ZNF395: variants seen among roughly 807,000 people sequenced by gnomAD.
ZNF395 encodes the protein zinc finger protein 395, also known as HD gene regulatory region-binding protein 2.
ZNF395 carries 20 observed loss-of-function variants against 57.7 expected under a neutral mutation model. That is an observed-to-expected ratio of 0.35 (90% confidence interval 0.24 to 0.50). ZNF395 has a LOEUF of 0.50. Among genes scored for constraint, ZNF395 ranks in the 20% least tolerant of loss-of-function variants. The pLI is 0.97. For missense variants in ZNF395, 606 were observed against 671.2 expected (o/e 0.90, Z 1.07); for synonymous variants, 295 against 275.9 (o/e 1.07, Z -0.69).
At chr8:28,376,192 C>G (rs1267680077) in intron 1 of ZNF395, among the ~76,000 whole-genome samples, 4 of 150,556 alleles carry the variant, frequency 2.7e-5, no homozygotes, top group African/African-American at 9.7e-5. Context: ...CCGGGCTGGT[C>G]TCGAACTGCT....
intron 1 of ZNF395, among the ~76,000 whole-genome samples, chr8:28,372,388 G>A (rs749903919): frequency 2.0e-4 from 30 of 152,340 alleles, no homozygotes; most frequent in Non-Finnish European, 3.2e-4. Context: ...CCCGGGCAGT[G>A]AAGAGCCAAA....
rs1243508092 is a variant in ZNF395 at position 28,353,267 on chromosome 8, A to C, written c.725T>G (p.Leu242Trp). Residue 242 changes from leucine to tryptophan, a missense_variant, in exon 5 of 10, where the codon TTG becomes TGG. By Grantham distance (61) the Leu-to-Trp change is moderately conservative. Transcript: ENST00000344423. Reference sequence around the variant, plus strand: ...TTGGGGAGAACCAAAAGCATCCCCCAAATACTTGGGGCTGGCCTGGGGGTG... The same window carrying C: ...TTGGGGAGAACCAAAAGCATCCCCCCAATACTTGGGGCTGGCCTGGGGGTG... Reference protein sequence around the residue: ...PPHPQASPKYLGDAFGSPQTD... With the variant: ...PPHPQASPKYWGDAFGSPQTD... The C allele has an allele frequency of 6.2e-7, 1 of 1,600,254 alleles. No individual in the cohort carries two copies. Among genetic ancestry groups the C allele is most frequent in the African/African-American group, 1.3e-5 (1 of 74,120 alleles).
In ZNF395 at chr8:28,350,064, C is replaced by T. The variant is rs776772742; in HGVS notation, c.1326G>A (p.Pro442=). ...AAPSAACSLS[P]VRSRSLSFSE... Reference sequence around the variant, plus strand: ...CCAGCCGTGCTGCCCGCACACTCACCGGAGAGAGAGAGCAGGCGGCGGAGG... The same window carrying T: ...CCAGCCGTGCTGCCCGCACACTCACTGGAGAGAGAGAGCAGGCGGCGGAGG... The change falls in exon 8 of 10, where the codon CCG becomes CCA. Residue 442 remains proline (P), a splice_region_variant and synonymous_variant. Coordinates refer to ENST00000344423, the MANE Select transcript of ZNF395 (RefSeq NM_018660.3). The T allele has an allele frequency of 2.5e-6, 4 of 1,597,036 alleles. No homozygotes were observed. The highest frequency in any genetic ancestry group is 1.7e-4 in the Middle Eastern group (1 of 6,026).
intron 7 of ZNF395, 73 bp downstream of exon 7, chr8:28,351,422 G>C (rs58204499): frequency 5.4e-6 from 8 of 1,482,140 alleles, no homozygotes; most frequent in South Asian, 1.4e-5. Flanking sequence ...CAGGGTGGTC[G>C]GTAGCCTGTA....
chr8:28,371,674 A>G (rs1286762566), intron 1 of ZNF395, among the ~76,000 whole-genome samples: 1 of 152,230 alleles, frequency 6.6e-6, no homozygotes, highest in Admixed American at 6.5e-5. Flanking sequence ...GGGATCCCCC[A>G]GGAGCAGGGC....
chr8:28,368,882 T>C (rs972470248), intron 1 of ZNF395, among the ~76,000 whole-genome samples: 2 of 151,990 alleles, frequency 1.3e-5, no homozygotes, highest in East Asian at 1.9e-4. Flanking sequence ...GTCGACCAGG[T>C]TGGGGTGCAG....
intron 1 of ZNF395, among the ~76,000 whole-genome samples, chr8:28,380,257 T>C (rs1440311578): frequency 6.6e-6 from 1 of 152,242 alleles, no homozygotes; most frequent in Non-Finnish European, 1.5e-5. Context: ...CTTATCAGGA[T>C]ACTGAAAATC....
At chr8:28,358,713 T>C (rs886096039) in intron 3 of ZNF395, among the ~76,000 whole-genome samples, 9 of 152,206 alleles carry the variant, frequency 5.9e-5, no homozygotes, top group Admixed American at 5.9e-4. Context: ...TGTGAGCCAC[T>C]GCGCCTGGCC....
At position 28,359,555 on chromosome 8, in the gene ZNF395, G is replaced by C. The variant is rs767891451; in HGVS notation, c.473+37C>G. 6.4e-7 allele frequency: 1 copy of C among 1,550,854 alleles called. No individual in the cohort carries two copies. Among genetic ancestry groups the C allele is most frequent in the East Asian group, 2.3e-5 (1 of 44,252 alleles). On this transcript the variant is annotated intron_variant, in intron 3 of 9. Transcript: ENST00000344423. The surrounding 1 kb of genome is among the most constrained non-coding windows in gnomAD (Gnocchi z 4.7). ...CACACCCTTACACCACACTACCCAC[G>C]TGACTTTTAAAACCCAGTTTCTTCT...
At chr8:28,365,912 T>C (rs1022018271) in intron 1 of ZNF395, among the ~76,000 whole-genome samples, 3 of 152,208 alleles carry the variant, frequency 2.0e-5, no homozygotes, top group African/African-American at 7.2e-5. Context: ...CATGTAACTG[T>C]TGCTGGACAA....
intron 3 of ZNF395, among the ~76,000 whole-genome samples, chr8:28,357,118 A>C (rs1355456630): frequency 6.6e-6 from 1 of 152,218 alleles, no homozygotes; most frequent in Non-Finnish European, 1.5e-5. Flanking sequence ...TGCAGCTTAA[A>C]AAAAGGAGAA....
intron 1 of ZNF395, among the ~76,000 whole-genome samples, chr8:28,364,291 C>T (rs1801883856): frequency 6.6e-6 from 1 of 152,168 alleles, no homozygotes; most frequent in South Asian, 2.1e-4. Context: ...CAAAATAAAA[C>T]ACTCAATTAA....
chr8:28,362,893 A>G (rs1320577571), intron 1 of ZNF395, among the ~76,000 whole-genome samples: 4 of 152,274 alleles, frequency 2.6e-5, no homozygotes, highest in Non-Finnish European at 4.4e-5. Flanking sequence ...CTACTGGCAT[A>G]GTATCTCCAC....
chr8:28,357,183 C>T (rs1009418263), intron 3 of ZNF395, among the ~76,000 whole-genome samples: 4 of 151,978 alleles, frequency 2.6e-5, no homozygotes, highest in Admixed American at 2.6e-4. Context: ...CAAAAGATGC[C>T]CACTGGAATT....
At chr8:28,372,342 G>A (rs139893702) in intron 1 of ZNF395, among the ~76,000 whole-genome samples, 13 of 152,272 alleles carry the variant, frequency 8.5e-5, no homozygotes, top group East Asian at 1.9e-4. Flanking sequence ...AAAAGTGCGC[G>A]ATAAATGCTG....
chr8:28,370,469 G>A (rs776344018), intron 1 of ZNF395, among the ~76,000 whole-genome samples: 3 of 152,214 alleles, frequency 2.0e-5, no homozygotes, highest in Non-Finnish European at 2.9e-5. Flanking sequence ...GTTTCGAGAC[G>A]AAAGAGAGAT....
rs1801919850 is a variant in ZNF395, at chr8:28,367,106, G to A, written c.-58-5924C>T. Among the ~76,000 whole-genome samples the A allele has an allele frequency of 2.0e-5, 3 of 151,798 alleles. No individual in the cohort carries two copies. In the South Asian group the frequency reaches 6.2e-4, roughly 31 times the overall value. Reference sequence around the variant, plus strand: ...TCAGCTGGTCAGAGTGTGACAATGTGGATTCTCAGGGCATTCTAATTATTG... The same window carrying A: ...TCAGCTGGTCAGAGTGTGACAATGTAGATTCTCAGGGCATTCTAATTATTG... On this transcript the variant is annotated intron_variant, in intron 1 of 9. Coordinates refer to ENST00000344423, the MANE Select transcript of ZNF395 (RefSeq NM_018660.3).
Position 28,353,187 on chromosome 8 carries a change from G to C in ZNF395, c.805C>G (p.Pro269Ala). ...PDPFLLDEPA[P>A]RKRKNSVKVM... Reference sequence around the variant, plus strand: ...CAATCACGTACCTTTCTTTTTCGTGGAGCTGGTTCGTCCAGCAGGAAAGGG... The same window carrying C: ...CAATCACGTACCTTTCTTTTTCGTGCAGCTGGTTCGTCCAGCAGGAAAGGG... Residue 269 changes from proline (P) to alanine (A), a missense_variant, in exon 5 of 10, where the codon CCA becomes GCA. Pro to Ala is a conservative substitution (Grantham distance 27). This residue lies in a region of ZNF395 where 309 missense variants were observed against 374.7 expected (regional missense o/e 0.82). Coordinates refer to ENST00000344423, the MANE Select transcript of ZNF395 (RefSeq NM_018660.3). The C allele has an allele frequency of 6.2e-7, 1 of 1,613,670 alleles. No homozygotes were observed. Among genetic ancestry groups the C allele is most frequent in the Non-Finnish European group, 8.5e-7 (1 of 1,179,974 alleles).
chr8:28,349,228 C>T lies in ZNF395; in HGVS notation c.1327G>A (p.Val443Ile), dbSNP rs1371892482. The change falls in exon 9 of 10, where the codon GTC (valine) becomes ATC (isoleucine). Residue 443 changes from valine to isoleucine, a missense_variant and splice_region_variant. Val to Ile is a conservative substitution (Grantham distance 29). Transcript: ENST00000344423. ...APSAACSLSP[V>I]RSRSLSFSEP... ...CTGAAGCTTAGCGACCGGCTCCGGA[C>T]CTGGGCGTGGGGAGAGGGGCTGTGA... The T allele has an allele frequency of 6.5e-7, 1 of 1,538,756 alleles. No individual in the cohort carries two copies. Among genetic ancestry groups the T allele is most frequent in the African/African-American group, 1.4e-5 (1 of 72,322 alleles).
Sources: gnomAD v4.1 joint callset for allele counts (sites outside exome capture counted in the v4.1 genomes callset) on GRCh38, gnomAD v4.1.1 for gene constraint, gnomAD v4.1.1 regional missense constraint, Gnocchi (gnomAD v3.1) non-coding constraint, MANE v1.5 for transcripts, NCBI Gene and HGNC (gene_info 2026-07-23, HGNC 2026-07-21) for gene names.